The following LOC122539214 variants were observed in gnomAD, a reference collection of about 807,000 sequenced individuals.
chr19:52,668,913 G>A, the LOC122539214 span, among the ~76,000 whole-genome samples: 1 of 152,166 alleles, frequency 6.6e-6, no homozygotes, highest in Non-Finnish European at 1.5e-5. Flanking sequence ...CCCAAAGTTC[G>A]ACACCCTGTG....
the LOC122539214 span, chr19:52,655,289 A>T: frequency 8.9e-5 from 29 of 327,088 alleles, no homozygotes; most frequent in Non-Finnish European, 1.4e-4. Context: ...AATTCTGCTC[A>T]GGGCTACCAG....
the LOC122539214 span, among the ~76,000 whole-genome samples, chr19:52,683,568 G>A: frequency 6.7e-6 from 1 of 149,136 alleles, no homozygotes; most frequent in Non-Finnish European, 1.5e-5. Context: ...ACTGGGTCCT[G>A]GTGATGTGCA....
the LOC122539214 span, among the ~76,000 whole-genome samples, chr19:52,683,819 G>A: frequency 2.0e-5 from 3 of 152,114 alleles, no homozygotes; most frequent in African/African-American, 7.2e-5. Flanking sequence ...TCAGTCTTCC[G>A]AGGACACCTC....
At chr19:52,683,852 A>G in the LOC122539214 span, among the ~76,000 whole-genome samples, 216 of 152,302 alleles carry the variant, frequency 1.4e-3, 1 homozygote, top group African/African-American at 4.8e-3. Context: ...GCAACCCCAG[A>G]GTAGGTGCTG....
the LOC122539214 span, among the ~76,000 whole-genome samples, chr19:52,675,113 T>C: frequency 6.6e-6 from 1 of 152,210 alleles, no homozygotes; most frequent in Non-Finnish European, 1.5e-5. Context: ...CAAATCTTAT[T>C]AAACAAAGGA....
the LOC122539214 span, among the ~76,000 whole-genome samples, chr19:52,686,836 G>T: frequency 6.6e-6 from 1 of 151,760 alleles, no homozygotes; most frequent in East Asian, 2.0e-4. Context: ...GTCTCCCAAA[G>T]TGCTGGGATT....
the LOC122539214 span, among the ~76,000 whole-genome samples, chr19:52,685,897 C>CAAAAA: frequency 3.8e-5 from 5 of 132,540 alleles, no homozygotes; most frequent in Admixed American, 8.4e-5. Flanking sequence ...GTAACTGTCA[C>CAAAAA]AAAAAAAAAA....
the LOC122539214 span, among the ~76,000 whole-genome samples, chr19:52,661,734 A>G: frequency 1.3e-5 from 2 of 152,192 alleles, no homozygotes; most frequent in African/African-American, 4.8e-5. Context: ...TCCAGTGAAC[A>G]GCGAAGGAGC....
the LOC122539214 span, among the ~76,000 whole-genome samples, chr19:52,657,961 ACT>A: frequency 6.6e-6 from 1 of 151,684 alleles, no homozygotes; most frequent in African/African-American, 2.4e-5. Flanking sequence ...ACATAGAGAA[ACT>A]CTGTCTCTAC....
chr19:52,677,724 T>C, the LOC122539214 span, among the ~76,000 whole-genome samples: 7 of 151,726 alleles, frequency 4.6e-5, no homozygotes, highest in African/African-American at 1.7e-4. Context: ...GCTGAGTAGG[T>C]AGAGATCGGT....
At chr19:52,654,491 A>G in the LOC122539214 span, 1 of 528,572 alleles carries the variant, frequency 1.9e-6, no homozygotes, top group Non-Finnish European at 3.1e-6. Context: ...TTACACAAAA[A>G]GCAATACTTA....
the LOC122539214 span, chr19:52,652,151 T>C: frequency 4.4e-6 from 1 of 225,072 alleles, no homozygotes; most frequent in Admixed American, 5.4e-5. Context: ...AGTAAAGACA[T>C]TGCCACACTG....
At chr19:52,661,325 T>C in the LOC122539214 span, among the ~76,000 whole-genome samples, 1 of 152,124 alleles carries the variant, frequency 6.6e-6, no homozygotes, top group East Asian at 1.9e-4. Flanking sequence ...TTTTGACCCA[T>C]TTTCAGATCT....
At chr19:52,667,744 C>A in the LOC122539214 span, among the ~76,000 whole-genome samples, 1 of 152,058 alleles carries the variant, frequency 6.6e-6, no homozygotes, top group Non-Finnish European at 1.5e-5. Context: ...CTAACATGCT[C>A]TTCAACAAAA....
the LOC122539214 span, among the ~76,000 whole-genome samples, chr19:52,683,228 C>G: frequency 2.2e-3 from 285 of 127,926 alleles, 8 homozygotes; most frequent in Middle Eastern, 3.9e-3. Flanking sequence ...CCCTGTGACT[C>G]TGTGTGTGTG....
At chr19:52,678,288 A>G in the LOC122539214 span, among the ~76,000 whole-genome samples, 32 of 151,642 alleles carry the variant, frequency 2.1e-4, 1 homozygote, top group East Asian at 6.3e-3. Context: ...CCGTCTTACT[A>G]AAAATATAAA....
chr19:52,689,545 C>T, the LOC122539214 span, among the ~76,000 whole-genome samples: 1,799 of 151,230 alleles, frequency 0.012, 14 homozygotes, highest in Middle Eastern at 0.037. Flanking sequence ...CTCTTTGCTG[C>T]CCCTCTCCCT....
At chr19:52,665,521 A>C in the LOC122539214 span, among the ~76,000 whole-genome samples, 8 of 152,300 alleles carry the variant, frequency 5.3e-5, no homozygotes, top group East Asian at 1.5e-3. Flanking sequence ...ATGAGTTCTA[A>C]ATTTCTCTTC....
At chr19:52,686,503 G>A in the LOC122539214 span, among the ~76,000 whole-genome samples, 8 of 143,886 alleles carry the variant, frequency 5.6e-5, no homozygotes, top group Non-Finnish European at 7.6e-5. Context: ...AAACCAGAAA[G>A]AAAAAAAAAA....
Sources: gnomAD v4.1 joint callset for allele counts (sites outside exome capture counted in the v4.1 genomes callset) on GRCh38, gnomAD v4.1.1 for gene constraint, MANE v1.5 for transcripts.